Variants in GSE1 observed in about 807,000 individuals in gnomAD.
GSE1 encodes genetic suppressor element 1.
Under a neutral mutation model 112.6 loss-of-function variants are expected in GSE1, and 32 were observed. The ratio of observed to expected loss-of-function variants is 0.28; its 90% CI spans 0.21 to 0.38. GSE1 has a LOEUF of 0.38. Among genes scored for constraint, GSE1 ranks in the 10% least tolerant of loss-of-function variants. The probability of loss-of-function intolerance (pLI) is 1.00; values close to 1 mark genes in which losing one functional copy is unlikely to be tolerated. For synonymous variants in GSE1, 1,115 were observed against 735.6 expected (o/e 1.52, Z -8.35); for missense variants, 2,348 against 1,699.2 (o/e 1.38, Z -6.71).
At chr16:85,481,001 T>C (rs1159492212) in intron 2 of GSE1, among the ~76,000 whole-genome samples, 2 of 152,146 alleles carry the variant, frequency 1.3e-5, no homozygotes, top group Non-Finnish European at 2.9e-5. Flanking sequence ...TTGCTCTGAT[T>C]TCAGTTTTAT....
chr16:85,496,333 G>T (rs941501138), intron 2 of GSE1, among the ~76,000 whole-genome samples: 1 of 148,652 alleles, frequency 6.7e-6, no homozygotes, highest in Non-Finnish European at 1.5e-5. Flanking sequence ...CTGCGTGAGC[G>T]ATGGCGTTTG....
At chr16:85,463,978 GC>G (rs1437842274) in intron 2 of GSE1, among the ~76,000 whole-genome samples, 2 of 152,152 alleles carry the variant, frequency 1.3e-5, no homozygotes, top group African/African-American at 4.8e-5. Flanking sequence ...CAGAGAATGG[GC>G]GGGGACGCTG....
intron 1 of GSE1, among the ~76,000 whole-genome samples, chr16:85,193,325 C>T (rs769542100): frequency 5.9e-5 from 9 of 152,092 alleles, no homozygotes; most frequent in Non-Finnish European, 8.8e-5. Context: ...ATTCCTGCTA[C>T]GTTTCTAAAT....
intron 2 of GSE1, among the ~76,000 whole-genome samples, chr16:85,476,335 CCTGCCGAGG>C (rs963256555): frequency 1.2e-4 from 18 of 152,156 alleles, no homozygotes; most frequent in African/African-American, 3.4e-4. Flanking sequence ...CTTGCAGGCA[CCTGCCGAGG>C]CTGGGTTGAC....
chr16:85,666,459 C>A, intron 13 of GSE1, 112 bp downstream of exon 13: 1 of 926,288 alleles, frequency 1.1e-6, no homozygotes, highest in Non-Finnish European at 1.7e-6. Context: ...TTTTTATAAA[C>A]TCCAATCACC....
Position 85,556,156 on chromosome 16 carries a change from G to A in GSE1, c.-171G>A, listed in dbSNP as rs1366095734. ...CATCTTGCGGGGCGGGGGGGGGAAA[G>A]ACTGATTTTTTTTTTTCGTCGCTCT... On this transcript the variant is annotated 5_prime_UTR_variant, in exon 1 of 3. Transcript: ENST00000635906. 3.2e-6 allele frequency: 3 copies of A among 944,452 alleles called. No individual in the cohort carries two copies. The African/African-American group carries it at 6.5e-5, about 21-fold the overall frequency. The allele number at this position is 944,452 out of a possible 1,614,324, so 58.5% of individuals were successfully genotyped here.
At chr16:85,404,200 C>T (rs2048196077) in intron 2 of GSE1, among the ~76,000 whole-genome samples, 6 of 109,844 alleles carry the variant, frequency 5.5e-5, no homozygotes, top group African/African-American at 2.2e-4. Context: ...CTCAGGGCCC[C>T]CCTGGATAAT....
chr16:85,485,709 G>A (rs530818973), intron 2 of GSE1, among the ~76,000 whole-genome samples: 1 of 152,376 alleles, frequency 6.6e-6, no homozygotes, highest in South Asian at 2.1e-4. Context: ...GGCCGGCTGT[G>A]CATCAGTGTG....
intron 1 of GSE1, among the ~76,000 whole-genome samples, chr16:85,252,456 C>A (rs539463031): frequency 1.6e-5 from 2 of 125,896 alleles, no homozygotes; most frequent in African/African-American, 5.5e-5. Context: ...AGGGGGACAA[C>A]CCCCGGTCCC....
chr16:85,337,077 C>A (rs974451030), intron 1 of GSE1, among the ~76,000 whole-genome samples: 10 of 152,226 alleles, frequency 6.6e-5, no homozygotes, highest in Non-Finnish European at 1.2e-4. Context: ...GGGTCTGCCC[C>A]CAGCATCGAG....
upstream of GSE1, among the ~76,000 whole-genome samples, chr16:85,608,000 C>A (rs201952125): frequency 5.9e-5 from 9 of 152,192 alleles, no homozygotes; most frequent in South Asian, 2.1e-4. Context: ...ATTCCTCCCC[C>A]CCATGATTTC....
At chr16:85,418,912 C>A (rs1003181290) in intron 2 of GSE1, among the ~76,000 whole-genome samples, 1 of 152,120 alleles carries the variant, frequency 6.6e-6, no homozygotes, top group Non-Finnish European at 1.5e-5. Flanking sequence ...TAGAACATCT[C>A]CAAGTCTGTT....
chr16:85,382,582 C>G (rs151314259), intron 2 of GSE1, among the ~76,000 whole-genome samples: 15 of 152,262 alleles, frequency 9.9e-5, no homozygotes, highest in Admixed American at 6.5e-5. Flanking sequence ...TGCCCGGGCT[C>G]GGAGCCCACA....
intron 1 of GSE1, among the ~76,000 whole-genome samples, chr16:85,582,500 C>T (rs746027458): frequency 1.3e-5 from 2 of 152,158 alleles, no homozygotes; most frequent in South Asian, 2.1e-4. Flanking sequence ...TCCTTGGACC[C>T]GACATCCCCT....
Position 85,672,885 on chromosome 16 carries a change from G to A in GSE1, c.*346G>A, listed in dbSNP as rs997331451. ...ATCATTAACAGCCCCCTGTGCATAT[G>A]AGTGGATCAAACCGGTTCTGTTCTT... On this transcript the variant is annotated 3_prime_UTR_variant, in exon 16 of 16. Transcript: ENST00000253458. The A allele has an allele frequency of 1.8e-5, 3 of 169,994 alleles. No individual in the cohort carries two copies. Among genetic ancestry groups the A allele is most frequent in the African/African-American group, 4.8e-5 (2 of 42,022 alleles). 10.5% of individuals were successfully genotyped at this position (169,994 alleles called of 1,614,324 possible). A position where few individuals can be genotyped will look rare whatever the true frequency, so the allele number is the denominator to read the frequency against.
rs372307054 is a variant in GSE1 at position 85,211,533 on chromosome 16, G to A, written c.2283+39726G>A. ...GCCTCGCTTCAGTCATCCATACGGC[G>A]AGGCGGCACCTTCGCAGCTTCTCCG... On this transcript the variant is annotated intron_variant, in intron 1 of 2. Coordinates refer to the GSE1 transcript ENST00000637419. 1.4e-4 allele frequency among the ~76,000 whole-genome samples: 21 copies of A among 152,298 alleles called. No individual in the cohort carries two copies. The East Asian group carries it at 3.3e-3, about 24-fold the overall frequency.
chr16:85,650,935 A>G (rs998394417), intron 3 of GSE1, among the ~76,000 whole-genome samples: 2 of 151,754 alleles, frequency 1.3e-5, no homozygotes, highest in African/African-American at 4.8e-5. Flanking sequence ...AGGAGAAATG[A>G]GATGAAAAAG....
At chr16:85,186,035 G>A (rs887999139) in intron 1 of GSE1, among the ~76,000 whole-genome samples, 1 of 152,194 alleles carries the variant, frequency 6.6e-6, no homozygotes, top group Non-Finnish European at 1.5e-5. Flanking sequence ...GAGAGACCAC[G>A]ATGGGCCGGG....
At chr16:85,260,085 C>T (rs1374653693) in intron 1 of GSE1, among the ~76,000 whole-genome samples, 1 of 152,142 alleles carries the variant, frequency 6.6e-6, no homozygotes, top group South Asian at 2.1e-4. Flanking sequence ...GTGAGCCCCA[C>T]AGGACATAGG....
Sources: allele counts gnomAD v4.1 joint callset (sites outside exome capture counted in the v4.1 genomes callset), GRCh38; gene constraint gnomAD v4.1.1; transcripts MANE v1.5; gene names NCBI Gene and HGNC (gene_info 2026-07-23, HGNC 2026-07-21).